Variants in KCNMB2 observed in about 807,000 individuals in gnomAD.
KCNMB2 encodes calcium-activated potassium channel subunit beta-2.
A neutral mutation model predicts 24.5 loss-of-function variants in KCNMB2; 9 were observed. That is an observed-to-expected ratio of 0.37 (90% confidence interval 0.22 to 0.64). KCNMB2 has a LOEUF of 0.64. Among genes scored for constraint, KCNMB2 ranks in the 30% least tolerant of loss-of-function variants. The pLI, the probability that KCNMB2 is intolerant of heterozygous loss-of-function variation, is 0.63. For missense variants in KCNMB2, 226 were observed against 284.3 expected, an observed-to-expected ratio of 0.79 and a Z score of 1.47; for synonymous variants, 109 against 104.4, an observed-to-expected ratio of 1.04 and a Z score of -0.27.
intron 1 of KCNMB2, among the ~76,000 whole-genome samples, chr3:178,745,801 T>G (rs915232797): frequency 2.6e-5 from 4 of 152,144 alleles, no homozygotes; most frequent in African/African-American, 9.7e-5. Context: ...AGCAGGGCAA[T>G]CAAATCTTAA....
intron 1 of KCNMB2, among the ~76,000 whole-genome samples, chr3:178,626,011 G>A (rs907066975): frequency 2.0e-5 from 3 of 152,300 alleles, no homozygotes; most frequent in East Asian, 3.9e-4. Flanking sequence ...AGAAGAAACT[G>A]ATCAGGGAAA....
At chr3:178,621,687 ACT>A (rs1252356157) in intron 1 of KCNMB2, among the ~76,000 whole-genome samples, 1 of 152,108 alleles carries the variant, frequency 6.6e-6, no homozygotes, top group African/African-American at 2.4e-5. Context: ...GAGATAAATT[ACT>A]CTGTTAAGTT....
intron 1 of KCNMB2, among the ~76,000 whole-genome samples, chr3:178,738,318 A>G (rs1423448247): frequency 2.6e-5 from 4 of 152,048 alleles, no homozygotes; most frequent in African/African-American, 9.7e-5. Flanking sequence ...GTGCTCATCT[A>G]TTGGGCCCTC....
At chr3:178,636,067 A>G (rs2108543172) in intron 1 of KCNMB2, among the ~76,000 whole-genome samples, 1 of 152,386 alleles carries the variant, frequency 6.6e-6, no homozygotes, top group East Asian at 1.9e-4. Context: ...TAAATTAGAT[A>G]TAACATAATT....
At chr3:178,759,348 T>C (rs1412368586) in intron 1 of KCNMB2, among the ~76,000 whole-genome samples, 1 of 73,058 alleles carries the variant, frequency 1.4e-5, no homozygotes. Context: ...CAAGAGGATA[T>C]ATATATATAT....
intron 1 of KCNMB2, among the ~76,000 whole-genome samples, chr3:178,613,551 T>C (rs889363351): frequency 1.3e-5 from 2 of 152,190 alleles, no homozygotes; most frequent in Non-Finnish European, 2.9e-5. Context: ...CTTTTGTTTG[T>C]CTGGGAAAGT....
intron 1 of KCNMB2, among the ~76,000 whole-genome samples, chr3:178,553,538 T>C (rs1339222828): frequency 1.7e-5 from 2 of 117,896 alleles, no homozygotes; most frequent in Non-Finnish European, 3.3e-5. Flanking sequence ...GAGAGATTCC[T>C]TTTTTTTTTT....
chr3:178,745,475 G>A (rs1406017211), intron 1 of KCNMB2, among the ~76,000 whole-genome samples: 1 of 152,124 alleles, frequency 6.6e-6, no homozygotes, highest in South Asian at 2.1e-4. Flanking sequence ...TGAAATTTGG[G>A]TGCAGACACA....
intron 1 of KCNMB2, among the ~76,000 whole-genome samples, chr3:178,700,750 T>C (rs1722060887): frequency 6.7e-6 from 1 of 149,484 alleles, no homozygotes; most frequent in African/African-American, 2.5e-5. Flanking sequence ...ATCACCAATA[T>C]CTTTTTGATG....
At chr3:178,634,289 G>C (rs1239915585) in intron 1 of KCNMB2, among the ~76,000 whole-genome samples, 2 of 152,010 alleles carry the variant, frequency 1.3e-5, no homozygotes, top group African/African-American at 4.8e-5. Flanking sequence ...CCAATTTACT[G>C]TATTAGTCCG....
intron 1 of KCNMB2, among the ~76,000 whole-genome samples, chr3:178,557,594 T>C (rs549696439): frequency 5.9e-5 from 9 of 152,290 alleles, no homozygotes; most frequent in Non-Finnish European, 4.4e-5. Flanking sequence ...TGGCCATGCC[T>C]TTACAAAGAA....
At chr3:178,611,367 T>TAAA (rs1462152444) in intron 1 of KCNMB2, among the ~76,000 whole-genome samples, 2 of 152,142 alleles carry the variant, frequency 1.3e-5, no homozygotes, top group Non-Finnish European at 2.9e-5. Context: ...CTTTTTTTCT[T>TAAA]AGTTTGTCCG....
Position 178,547,049 on chromosome 3 carries a change from A to C in KCNMB2, c.-68+10338A>C, listed in dbSNP as rs1268002302. On this transcript the variant is annotated intron_variant, in intron 1 of 4. Coordinates refer to ENST00000452583, the MANE Select transcript of KCNMB2 (RefSeq NM_181361.3). ...AACAGTGTTAAAAGGTGGGACCTTT[A>C]GGTGAGCAGGTCATGAGTGCTCTGC... Among the ~76,000 whole-genome samples the C allele has an allele frequency of 2.0e-5, 3 of 152,362 alleles. No individual in the cohort carries two copies. The South Asian group carries it at 6.2e-4, about 32-fold the overall frequency.
At chr3:178,675,512 T>C (rs960036895) in intron 1 of KCNMB2, among the ~76,000 whole-genome samples, 2 of 151,442 alleles carry the variant, frequency 1.3e-5, no homozygotes, top group African/African-American at 4.9e-5. Flanking sequence ...GGGCAAAACC[T>C]GATCAAGGGC....
At chr3:178,728,922 G>T (rs1014879545) in intron 1 of KCNMB2, among the ~76,000 whole-genome samples, 1 of 152,090 alleles carries the variant, frequency 6.6e-6, no homozygotes, top group Non-Finnish European at 1.5e-5. Context: ...TGTTCTCAAC[G>T]TTAGAACCAA....
chr3:178,805,800 T>A (rs548491650), intron 1 of KCNMB2, among the ~76,000 whole-genome samples: 51 of 152,128 alleles, frequency 3.4e-4, no homozygotes, highest in Admixed American at 9.8e-4. Flanking sequence ...TGGCTAATTT[T>A]TTTTATTTTT....
At chr3:178,704,211 C>T (rs1722201805) in intron 1 of KCNMB2, among the ~76,000 whole-genome samples, 1 of 152,042 alleles carries the variant, frequency 6.6e-6, no homozygotes, top group Non-Finnish European at 1.5e-5. Context: ...GTAAATCACA[C>T]TCCCAAACAA....
chr3:178,555,034 C>T (rs1716076170), intron 1 of KCNMB2, among the ~76,000 whole-genome samples: 1 of 152,088 alleles, frequency 6.6e-6, no homozygotes, highest in Non-Finnish European at 1.5e-5. Context: ...AAGTTGATGC[C>T]TTCAGGATGA....
chr3:178,810,349 A>G (rs1714136473), intron 2 of KCNMB2, among the ~76,000 whole-genome samples: 1 of 152,178 alleles, frequency 6.6e-6, no homozygotes, highest in South Asian at 2.1e-4. Context: ...CCCAGAAGCC[A>G]GGCCATACAA....
Sources: gnomAD v4.1 joint callset for allele counts (sites outside exome capture counted in the v4.1 genomes callset) on GRCh38, gnomAD v4.1.1 for gene constraint, MANE v1.5 for transcripts, NCBI Gene and HGNC (gene_info 2026-07-23, HGNC 2026-07-21) for gene names.